BBS9: variants seen among roughly 807,000 people sequenced by gnomAD.
The protein encoded by BBS9 is protein PTHB1.
In BBS9, 89 loss-of-function variants were observed where a neutral mutation model predicts 117.7. That is an observed-to-expected ratio of 0.76 (90% confidence interval 0.64 to 0.90). BBS9 has a LOEUF of 0.90. Among genes scored for constraint, BBS9 ranks in the 40% least tolerant of loss-of-function variants. The pLI is 0.00. For missense variants in BBS9, 982 were observed against 1,042.2 expected, an observed-to-expected ratio of 0.94 and a Z score of 0.80; for synonymous variants, 379 against 370.9, an observed-to-expected ratio of 1.02 and a Z score of -0.25.
At chr7:33,280,905 G>GT (rs748350404) in intron 9 of BBS9, among the ~76,000 whole-genome samples, 5,593 of 48,014 alleles carry the variant, frequency 0.12, 1,174 homozygotes, top group East Asian at 0.16. Flanking sequence ...TTAATTTGTC[G>GT]TTTTTGTTTT....
At chr7:33,239,247 T>C (rs1794058105) in intron 5 of BBS9, among the ~76,000 whole-genome samples, 1 of 152,180 alleles carries the variant, frequency 6.6e-6, no homozygotes, top group African/African-American at 2.4e-5. Flanking sequence ...TTGGTGCTAC[T>C]ACCTACGACT....
intron 20 of BBS9, among the ~76,000 whole-genome samples, chr7:33,518,827 C>G (rs1281395967): frequency 6.6e-6 from 1 of 152,168 alleles, no homozygotes; most frequent in Non-Finnish European, 1.5e-5. Context: ...CTACTGTTAT[C>G]TTAGCTTGAT....
At chr7:33,596,359 T>TTATCTATC (rs140019958) in intron 21 of BBS9, among the ~76,000 whole-genome samples, 42,515 of 144,724 alleles carry the variant, frequency 0.29, 6,416 homozygotes, top group South Asian at 0.33. Flanking sequence ...TGATATATAA[T>TTATCTATC]TATCTATCTA....
At chr7:33,388,286 C>A in intron 19 of BBS9, 142 bp downstream of exon 19, 1 of 1,034,942 alleles carries the variant, frequency 9.7e-7, no homozygotes, top group Non-Finnish European at 1.4e-6. Context: ...GCTTTAGAGT[C>A]AGAAAAACCT....
At chr7:33,570,777 A>G (rs1032640513) in intron 21 of BBS9, among the ~76,000 whole-genome samples, 1 of 152,224 alleles carries the variant, frequency 6.6e-6, no homozygotes, top group Non-Finnish European at 1.5e-5. Context: ...TTTCTGTGGT[A>G]TTAGTGACAA....
intron 19 of BBS9, among the ~76,000 whole-genome samples, chr7:33,502,510 A>G (rs1845595321): frequency 6.6e-6 from 1 of 152,156 alleles, no homozygotes; most frequent in South Asian, 2.1e-4. Flanking sequence ...TTGAGTATTT[A>G]TTACCTTTGT....
intron 21 of BBS9, among the ~76,000 whole-genome samples, chr7:33,597,259 A>G (rs1006522430): frequency 6.6e-6 from 1 of 152,074 alleles, no homozygotes; most frequent in African/African-American, 2.4e-5. Flanking sequence ...TCTCAAAAAA[A>G]CACTTTATTC....
At chr7:33,407,992 G>T (rs995440184) in intron 19 of BBS9, among the ~76,000 whole-genome samples, 12 of 152,250 alleles carry the variant, frequency 7.9e-5, no homozygotes, top group African/African-American at 2.7e-4. Flanking sequence ...ATTTAAGTCT[G>T]CAGAGGTTAC....
intron 6 of BBS9, among the ~76,000 whole-genome samples, chr7:33,260,897 G>T (rs1157579095): frequency 6.6e-6 from 1 of 152,116 alleles, no homozygotes; most frequent in Non-Finnish European, 1.5e-5. Context: ...CCCCTCAATA[G>T]CTCCTAATAC....
At chr7:33,250,016 G>A (rs942650176) in intron 5 of BBS9, among the ~76,000 whole-genome samples, 2 of 152,098 alleles carry the variant, frequency 1.3e-5, no homozygotes, top group African/African-American at 4.8e-5. Context: ...TTGATTTTCT[G>A]CAGTGTTTAG....
chr7:33,308,335 T>C (rs76063726), intron 9 of BBS9, among the ~76,000 whole-genome samples: 2,403 of 152,290 alleles, frequency 0.016, 30 homozygotes, highest in Non-Finnish European at 0.021. Context: ...AATTAAGGGA[T>C]AGACTGCCCA....
At chr7:33,457,663 A>T (rs1838843849) in intron 19 of BBS9, among the ~76,000 whole-genome samples, 1 of 152,126 alleles carries the variant, frequency 6.6e-6, no homozygotes, top group African/African-American at 2.4e-5. Flanking sequence ...AGTCTTTTGA[A>T]TTTTCCTTAG....
intron 19 of BBS9, among the ~76,000 whole-genome samples, chr7:33,405,037 G>C (rs1194782598): frequency 6.6e-6 from 1 of 152,168 alleles, no homozygotes; most frequent in Non-Finnish European, 1.5e-5. Context: ...CGAACTTATT[G>C]AGAGTTTTTA....
At chr7:33,192,933 G>A (rs1363003991) in intron 5 of BBS9, among the ~76,000 whole-genome samples, 1 of 152,136 alleles carries the variant, frequency 6.6e-6, no homozygotes, top group Non-Finnish European at 1.5e-5. Context: ...TTCCCAAAAG[G>A]CCACACCTCT....
At chr7:33,589,857 A>G (rs563031364) in intron 21 of BBS9, among the ~76,000 whole-genome samples, 3 of 152,234 alleles carry the variant, frequency 2.0e-5, no homozygotes, top group South Asian at 2.1e-4. Context: ...CTTTAAAGCC[A>G]GAAGACTGGA....
At chr7:33,228,836 G>A (rs1791791029) in intron 5 of BBS9, among the ~76,000 whole-genome samples, 2 of 152,068 alleles carry the variant, frequency 1.3e-5, no homozygotes, top group East Asian at 1.9e-4. Flanking sequence ...CCCTCTTCAG[G>A]TAACCCCAAT....
chr7:33,597,165 G>A (rs912946284), intron 21 of BBS9, among the ~76,000 whole-genome samples: 1 of 151,110 alleles, frequency 6.6e-6, no homozygotes, highest in Non-Finnish European at 1.5e-5. Context: ...TCTGAGGGAA[G>A]CTTCATATTT....
intron 5 of BBS9, among the ~76,000 whole-genome samples, chr7:33,251,181 C>T (rs1796162291): frequency 6.6e-6 from 1 of 152,164 alleles, no homozygotes; most frequent in Non-Finnish European, 1.5e-5. Context: ...GATGCACTGG[C>T]TCAAACAGTG....
intron 19 of BBS9, among the ~76,000 whole-genome samples, chr7:33,394,734 C>T (rs1347237360): frequency 6.6e-6 from 1 of 152,104 alleles, no homozygotes; most frequent in Non-Finnish European, 1.5e-5. Flanking sequence ...CCTTCTCAAT[C>T]AACTGAATGT....
Sources: gnomAD v4.1 joint callset for allele counts (sites outside exome capture counted in the v4.1 genomes callset) on GRCh38, gnomAD v4.1.1 for gene constraint, MANE v1.5 for transcripts, NCBI Gene and HGNC (gene_info 2026-07-23, HGNC 2026-07-21) for gene names.